CHD2: variants seen among roughly 807,000 people sequenced by gnomAD.
CHD2 encodes ATP-dependent chromatin remodeler CHD2.
Under a neutral mutation model 243.9 loss-of-function variants are expected in CHD2, and 28 were observed. That is an observed-to-expected ratio of 0.11 (90% CI 0.09 to 0.16). The LOEUF (loss-of-function observed/expected upper bound fraction) is 0.16, where lower values mean the gene tolerates loss of function less well. Among genes scored for constraint, CHD2 ranks in the 10% least tolerant of loss-of-function variants. The pLI is 1.00. For missense variants in CHD2, 1,386 were observed against 2,209.8 expected (o/e 0.63, Z 7.47); for synonymous variants, 775 against 779.0 (o/e 0.99, Z 0.09).
chr15:92,934,848 A>C (rs1405926639), intron 5 of CHD2, among the ~76,000 whole-genome samples: 1 of 152,168 alleles, frequency 6.6e-6, no homozygotes, highest in East Asian at 1.9e-4. Context: ...AAATACTCCC[A>C]GGACGTGTAA....
At chr15:92,902,315 TATTA>T (rs1324114138) in intron 2 of CHD2, 5 of 395,928 alleles carry the variant, frequency 1.3e-5, no homozygotes, top group African/African-American at 4.1e-5. Flanking sequence ...GACCTCTGTA[TATTA>T]ATTTTTAAAA....
intron 2 of CHD2, among the ~76,000 whole-genome samples, chr15:92,910,837 A>T (rs2052719656): frequency 6.6e-6 from 1 of 152,220 alleles, no homozygotes; most frequent in Non-Finnish European, 1.5e-5. Context: ...CATTCTGAGA[A>T]GTATGTCGTT....
intron 21 of CHD2, 128 bp from the exon 22 acceptor site, chr15:92,979,007 T>G: frequency 8.2e-7 from 1 of 1,221,200 alleles, no homozygotes; most frequent in East Asian, 2.4e-5. Flanking sequence ...TACAGTCTTC[T>G]ATGGTTAGAG....
At chr15:92,978,827 A>T (rs1357870219) in intron 21 of CHD2, among the ~76,000 whole-genome samples, 1 of 152,244 alleles carries the variant, frequency 6.6e-6, no homozygotes, top group Non-Finnish European at 1.5e-5. Context: ...CGTAAGTTTC[A>T]TTCTTGGCCA....
At chr15:92,991,969 G>A (rs949870673) in intron 27 of CHD2, among the ~76,000 whole-genome samples, 1 of 152,162 alleles carries the variant, frequency 6.6e-6, no homozygotes, top group African/African-American at 2.4e-5. Context: ...ACATAGCCTT[G>A]ACTATAAAAA....
intron 1 of CHD2, 125 bp from the exon 2 acceptor site, chr15:92,901,042 T>A: frequency 1.7e-6 from 1 of 588,426 alleles, no homozygotes; most frequent in Non-Finnish European, 3.0e-6. Flanking sequence ...ATAGAAATAT[T>A]TAGTTTTTTG....
rs754006955 is a variant in CHD2, at chr15:92,979,164, G to A, written c.2757G>A (p.Gly919=). The A allele has an allele frequency of 6.2e-6, 10 of 1,614,056 alleles. No homozygotes were observed. The highest frequency in any genetic ancestry group is 6.8e-6 in the Non-Finnish European group (8 of 1,180,002). The change falls in exon 22 of 39, where the codon GGG becomes GGA. Residue 919 remains glycine, a synonymous_variant. Transcript: ENST00000394196. ...ATATTTACCGCTTAGTTACAAAGGG[G>A]ACTGTGGAGGAGGAGATCATAGAAC... ...QVNIYRLVTK[G]TVEEEIIERA...
At chr15:92,961,491 C>A (rs1025148496) in intron 16 of CHD2, among the ~76,000 whole-genome samples, 3 of 152,164 alleles carry the variant, frequency 2.0e-5, no homozygotes, top group Admixed American at 1.3e-4. Context: ...CCTCGAACTC[C>A]TGGGCTCAAG....
Position 92,937,556 on chromosome 15 carries a change from A to C in CHD2, c.482A>C (p.Glu161Ala). 1 of 1,613,632 alleles carries C rather than the reference A, an allele frequency of 6.2e-7. No homozygotes were observed. Among genetic ancestry groups the C allele is most frequent in the Non-Finnish European group, 8.5e-7 (1 of 1,179,762 alleles). Residue 161 changes from glutamate to alanine, a missense_variant, in exon 6 of 39, where the codon GAA becomes GCA. Coordinates refer to ENST00000394196, the MANE Select transcript of CHD2 (RefSeq NM_001271.4). ...WKQEPSEDEQEQGTSAESEPE... is the reference protein window; with the variant it reads ...WKQEPSEDEQAQGTSAESEPE... ...CAGGAACCCTCAGAAGATGAACAGGAACAAGGCACCAGTGCAGAGAGTGAG... is the reference window on the plus strand; with the variant it reads ...CAGGAACCCTCAGAAGATGAACAGGCACAAGGCACCAGTGCAGAGAGTGAG...
intron 2 of CHD2, among the ~76,000 whole-genome samples, chr15:92,919,570 G>A (rs1401454922): frequency 6.6e-6 from 1 of 151,708 alleles, no homozygotes; most frequent in Admixed American, 6.6e-5. Flanking sequence ...TTTTGTATTT[G>A]TAGTAGAGAT....
rs534107762 is a variant in CHD2 at position 93,019,759 on chromosome 15, C to T, written c.4907-253C>T. On this transcript the variant is annotated intron_variant, in intron 37 of 38. Transcript: ENST00000394196. ...GACCAGCCTAGCCAACATGGTGAAA[C>T]CCTGTCTCTACTAAAAATTCAAAAA... Among the ~76,000 whole-genome samples, 8 of 152,176 alleles carry T rather than the reference C, an allele frequency of 5.3e-5. No homozygotes were observed. The South Asian group carries it at 8.3e-4, about 16-fold the overall frequency.
chr15:92,949,641 A>G (rs2053525777), intron 13 of CHD2, among the ~76,000 whole-genome samples: 1 of 152,186 alleles, frequency 6.6e-6, no homozygotes, highest in Non-Finnish European at 1.5e-5. Flanking sequence ...AAGATGAGAC[A>G]GTGATAGCAC....
At chr15:92,936,837 C>CTT (rs35440500) in intron 5 of CHD2, among the ~76,000 whole-genome samples, 1 of 144,730 alleles carries the variant, frequency 6.9e-6, no homozygotes. Context: ...GCCCAGAAAT[C>CTT]TTTTTTTTTT....
chr15:92,951,347 T>C (rs1240844568), intron 13 of CHD2, among the ~76,000 whole-genome samples: 2 of 152,060 alleles, frequency 1.3e-5, no homozygotes, highest in Non-Finnish European at 2.9e-5. Flanking sequence ...ATTTTTGTAT[T>C]TTTAGTAGAG....
intron 7 of CHD2, among the ~76,000 whole-genome samples, chr15:92,941,347 G>A (rs1026553879): frequency 2.6e-5 from 4 of 152,026 alleles, no homozygotes; most frequent in African/African-American, 9.6e-5. Flanking sequence ...CCAGCAGTCT[G>A]GGAATACTTA....
intron 37 of CHD2, among the ~76,000 whole-genome samples, chr15:93,016,861 A>G (rs899136021): frequency 6.6e-6 from 1 of 152,028 alleles, no homozygotes; most frequent in Non-Finnish European, 1.5e-5. Flanking sequence ...TTGATTAGAA[A>G]AAAACTCTGT....
rs746641125 is a variant in CHD2 at position 92,985,483 on chromosome 15, C to T, written c.3238-15C>T. ...CGCACTTGTTACAGTGTGACTTTGC[C>T]TCGATCTTTCTCAGGCTCAGACAAA... On this transcript the variant is annotated splice_polypyrimidine_tract_variant and intron_variant, in intron 25 of 38. Coordinates refer to ENST00000394196, the MANE Select transcript of CHD2 (RefSeq NM_001271.4). 3.7e-5 allele frequency: 60 copies of T among 1,600,690 alleles called. No homozygotes were observed. Among genetic ancestry groups the T allele is most frequent in the Non-Finnish European group, 5.1e-5 (60 of 1,171,324 alleles).
chr15:93,023,461 A>T (rs372031002), intron 38 of CHD2, among the ~76,000 whole-genome samples: 1 of 152,340 alleles, frequency 6.6e-6, no homozygotes, highest in African/African-American at 2.4e-5. Context: ...TGTTGTGAAT[A>T]ATGCTGCAGT....
At chr15:93,000,386 A>G in intron 31 of CHD2, 126 bp from the exon 32 acceptor site, 5 of 1,023,198 alleles carry the variant, frequency 4.9e-6, no homozygotes, top group Non-Finnish European at 5.5e-6. Context: ...CACTCTTTTG[A>G]TTTCTTTGGA....
Sources: allele counts gnomAD v4.1 joint callset (sites outside exome capture counted in the v4.1 genomes callset), GRCh38; gene constraint gnomAD v4.1.1; transcripts MANE v1.5; gene names NCBI Gene and HGNC (gene_info 2026-07-23, HGNC 2026-07-21).